TANGO6: variants seen among roughly 807,000 people sequenced by gnomAD.
TANGO6 encodes transport and golgi organization 6 homolog, also known as transport and Golgi organization protein 6 homolog.
In TANGO6, 90 loss-of-function variants were observed where a neutral mutation model predicts 114.2. The ratio of observed to expected loss-of-function variants is 0.79; its 90% CI spans 0.66 to 0.94. The LOEUF (loss-of-function observed/expected upper bound fraction) is 0.94, where lower values mean the gene tolerates loss of function less well. TANGO6 is among the 40% of genes least tolerant of loss of function. TANGO6 has a pLI of 0.00. For synonymous variants in TANGO6, 477 were observed against 509.8 expected, an observed-to-expected ratio of 0.94 and a Z score of 0.87; for missense variants, 1,274 against 1,315.3, an observed-to-expected ratio of 0.97 and a Z score of 0.49.
intron 12 of TANGO6, among the ~76,000 whole-genome samples, chr16:68,922,942 T>TTG (rs1329233598): frequency 2.2e-5 from 3 of 135,228 alleles, no homozygotes; most frequent in African/African-American, 5.6e-5. Context: ...AGGTCATGTT[T>TTG]TTTTTTTTTT....
At chr16:69,078,526 T>G (rs1394686249) in intron 17 of TANGO6, among the ~76,000 whole-genome samples, 1 of 152,106 alleles carries the variant, frequency 6.6e-6, no homozygotes, top group African/African-American at 2.4e-5. Context: ...TGGCCTCTCT[T>G]TTCTCTGATG....
intron 9 of TANGO6, among the ~76,000 whole-genome samples, chr16:68,905,397 G>A (rs1346413373): frequency 2.0e-5 from 3 of 151,030 alleles, no homozygotes; most frequent in Admixed American, 6.6e-5. Flanking sequence ...TTAGCCAGGC[G>A]TGGTGGCGGG....
At chr16:69,042,120 A>T (rs1959782754) in intron 17 of TANGO6, among the ~76,000 whole-genome samples, 1 of 152,186 alleles carries the variant, frequency 6.6e-6, no homozygotes, top group Non-Finnish European at 1.5e-5. Flanking sequence ...GAGCCTGACA[A>T]TGTATTTAGT....
chr16:69,009,006 A>C (rs1476656572), intron 15 of TANGO6, among the ~76,000 whole-genome samples: 1 of 149,540 alleles, frequency 6.7e-6, no homozygotes, highest in South Asian at 2.1e-4. Flanking sequence ...TTCCAGCCTC[A>C]TTCTTTCTCC....
chr16:68,870,791 G>A (rs1217711166), intron 4 of TANGO6, among the ~76,000 whole-genome samples: 2 of 149,528 alleles, frequency 1.3e-5, no homozygotes, highest in African/African-American at 5.0e-5. Flanking sequence ...AGGTCTACTG[G>A]CAATGAATTT....
intron 15 of TANGO6, among the ~76,000 whole-genome samples, chr16:68,995,544 C>A (rs778038378): frequency 1.2e-4 from 19 of 152,150 alleles, no homozygotes; most frequent in African/African-American, 3.4e-4. Flanking sequence ...GTTAGGAAAT[C>A]GGAAGTGTTC....
intron 14 of TANGO6, among the ~76,000 whole-genome samples, chr16:68,959,245 T>C (rs1426733071): frequency 6.6e-6 from 1 of 152,188 alleles, no homozygotes; most frequent in Admixed American, 6.5e-5. Flanking sequence ...GGAGCACCTA[T>C]CACAAAGACT....
At chr16:69,038,226 G>A (rs60445210) in intron 16 of TANGO6, among the ~76,000 whole-genome samples, 2,059 of 152,094 alleles carry the variant, frequency 0.014, 49 homozygotes, top group South Asian at 0.092. Flanking sequence ...TCAGGAGTTT[G>A]AGACCAGCCT....
At chr16:69,071,294 C>T (rs1352934609) in intron 17 of TANGO6, among the ~76,000 whole-genome samples, 3 of 152,168 alleles carry the variant, frequency 2.0e-5, no homozygotes, top group African/African-American at 7.2e-5. Context: ...GGTTTTAACG[C>T]CTCTGACACA....
At chr16:68,939,426 G>A (rs1416615890) in intron 14 of TANGO6, among the ~76,000 whole-genome samples, 1 of 152,132 alleles carries the variant, frequency 6.6e-6, no homozygotes, top group Non-Finnish European at 1.5e-5. Flanking sequence ...GAAACTGGGT[G>A]AGACCTGTAG....
chr16:68,929,761 A>C (rs1040296839), intron 13 of TANGO6, among the ~76,000 whole-genome samples: 3 of 152,230 alleles, frequency 2.0e-5, no homozygotes, highest in Non-Finnish European at 4.4e-5. Context: ...ATTTTCAAAA[A>C]TAAATTAGAA....
rs146345021 is a variant in TANGO6, at chr16:68,901,629, T to C, written c.1491-699T>C. Among the ~76,000 whole-genome samples the C allele has an allele frequency of 8.8e-3, 1,333 of 152,204 alleles. 19 individuals are homozygous for C. The highest frequency in any genetic ancestry group is 0.031 in the African/African-American group (1,273 of 41,536). On this transcript the variant is annotated intron_variant, in intron 8 of 17. Coordinates refer to ENST00000261778, the MANE Select transcript of TANGO6 (RefSeq NM_024562.2). ...TCAGCCTCCTGGGTAGCTGGGCTTA[T>C]AGGCACCTTCCACCATGCCCGGCTA...
chr16:68,920,689 C>T (rs887946160), intron 12 of TANGO6, among the ~76,000 whole-genome samples: 8 of 152,070 alleles, frequency 5.3e-5, no homozygotes, highest in Non-Finnish European at 1.0e-4. Flanking sequence ...TAGAATATAC[C>T]TTTCACTAGC....
At chr16:68,978,567 A>T (rs1963787798) in intron 15 of TANGO6, among the ~76,000 whole-genome samples, 1 of 152,190 alleles carries the variant, frequency 6.6e-6, no homozygotes, top group South Asian at 2.1e-4. Context: ...ATAACATTAA[A>T]GCCCAATTTG....
At chr16:68,866,904 T>C (rs1449794303) in intron 3 of TANGO6, among the ~76,000 whole-genome samples, 175 bp from the exon 4 acceptor site, 1 of 150,992 alleles carries the variant, frequency 6.6e-6, no homozygotes, top group Non-Finnish European at 1.5e-5. Context: ...GCCACTGCAC[T>C]CCTGCCTGGG....
rs565390004 is a variant in TANGO6 at position 68,902,027 on chromosome 16, G to C, written c.1491-301G>C. ...TTCTTTGACAGTGCCTGATGCAAAG[G>C]CAGTAGTACACTTGGAATTACCAAA... On this transcript the variant is annotated intron_variant, in intron 8 of 17. Transcript: ENST00000261778. Among the ~76,000 whole-genome samples the C allele has an allele frequency of 2.0e-5, 3 of 147,814 alleles. No individual in the cohort carries two copies. In the Admixed American group the frequency reaches 2.0e-4, roughly 10 times the overall value.
intron 15 of TANGO6, among the ~76,000 whole-genome samples, chr16:68,988,692 CTTTTTT>C (rs397855895): frequency 8.9e-6 from 1 of 112,490 alleles, no homozygotes; most frequent in African/African-American, 3.6e-5. Context: ...TTCTCTCTCT[CTTTTTT>C]TTTTTTTTTT....
intron 16 of TANGO6, chr16:69,035,588 T>C (rs1272211307): frequency 6.6e-6 from 1 of 152,248 alleles, no homozygotes; most frequent in Non-Finnish European, 1.5e-5. Flanking sequence ...TTTTTCCTTA[T>C]TTCTCTTGGC....
chr16:68,845,367 A>G (rs534515997), intron 1 of TANGO6, among the ~76,000 whole-genome samples: 50 of 152,302 alleles, frequency 3.3e-4, no homozygotes, highest in African/African-American at 1.2e-3. Flanking sequence ...TCATTTATAG[A>G]AGACTCTCTA....
Sources: allele counts gnomAD v4.1 joint callset (sites outside exome capture counted in the v4.1 genomes callset), GRCh38; gene constraint gnomAD v4.1.1; transcripts MANE v1.5; gene names NCBI Gene and HGNC (gene_info 2026-07-23, HGNC 2026-07-21).